ERBIN: variants seen among roughly 807,000 people sequenced by gnomAD.
ERBIN encodes erbb2 interacting protein.
A neutral mutation model predicts 158.4 loss-of-function variants in ERBIN; 60 were observed. The ratio of observed to expected loss-of-function variants is 0.38; its 90% confidence interval spans 0.31 to 0.47. The LOEUF is 0.47. Ranked by LOEUF, ERBIN falls within the 20% of genes least tolerant of loss-of-function variation. The pLI, the probability that ERBIN is intolerant of heterozygous loss-of-function variation, is 0.99. For missense variants in ERBIN, 1,610 were observed against 1,648.0 expected (o/e 0.98, Z 0.40); for synonymous variants, 594 against 557.2 (o/e 1.07, Z -0.93).
intron 4 of ERBIN, among the ~76,000 whole-genome samples, chr5:66,010,156 C>T (rs1754054957): frequency 6.6e-6 from 1 of 152,158 alleles, no homozygotes. Context: ...CCTCTCATTA[C>T]TTCCTTAGTC....
At chr5:65,956,613 C>T (rs1305369693) in intron 1 of ERBIN, among the ~76,000 whole-genome samples, 2 of 151,140 alleles carry the variant, frequency 1.3e-5, no homozygotes, top group African/African-American at 2.4e-5. Flanking sequence ...CTCCTAGGCT[C>T]AAGCAGTCCA....
At chr5:66,055,058 G>C in intron 21 of ERBIN, 107 bp downstream of exon 21, 1 of 1,427,336 alleles carries the variant, frequency 7.0e-7, no homozygotes, top group Non-Finnish European at 9.1e-7. Context: ...TTATATTCTA[G>C]GTGTTTTTCT....
At chr5:65,960,310 A>G (rs1747766140) in intron 1 of ERBIN, among the ~76,000 whole-genome samples, 1 of 152,192 alleles carries the variant, frequency 6.6e-6, no homozygotes, top group South Asian at 2.1e-4. Context: ...CATTAGAAAT[A>G]TGAGGAGTGA....
intron 5 of ERBIN, 98 bp downstream of exon 5, chr5:66,012,225 A>G (rs1397988050): frequency 6.5e-6 from 5 of 766,492 alleles, no homozygotes; most frequent in Non-Finnish European, 1.0e-5. Context: ...TTTTATATCA[A>G]TCTTAAGTCT....
rs562600074 is a variant in ERBIN, at chr5:65,994,277, A to G, written c.190-470A>G. On this transcript the variant is annotated intron_variant, in intron 3 of 25. Transcript: ENST00000284037. ...TTTGTCTCCTTCTCTAATCACCACC[A>G]GTAGAGTCTTGGTTTAGGGGTTTTG... is the stretch of plus-strand genomic sequence containing the variant. Among the ~76,000 whole-genome samples the G allele has an allele frequency of 1.7e-4, 26 of 152,314 alleles. 2 individuals are homozygous for G. The highest frequency in any genetic ancestry group is 1.7e-3 in the South Asian group (8 of 4,828).
At position 65,994,853 on chromosome 5, in the gene ERBIN, T is replaced by G; in HGVS notation, c.296T>G (p.Val99Gly). 1.3e-6 allele frequency: 2 copies of G among 1,597,118 alleles called. No individual in the cohort carries two copies. Among genetic ancestry groups the G allele is most frequent in the Non-Finnish European group, 1.7e-6 (2 of 1,172,960 alleles). ...CTTATTAATCTCAGGGAACTGGATG[T>G]CAGCAAGAATGGTAAGGCTTTTTTT... ...ANLINLRELD[V>G]SKNGIQEFPE... The change falls in exon 4 of 26, where the codon GTC (valine) becomes GGC (glycine). Residue 99 changes from valine (V) to glycine (G), a missense_variant. Coordinates refer to ENST00000284037, the MANE Select transcript of ERBIN (RefSeq NM_001253697.2).
At chr5:65,974,627 A>T (rs1447971098) in intron 1 of ERBIN, among the ~76,000 whole-genome samples, 3 of 152,224 alleles carry the variant, frequency 2.0e-5, no homozygotes, top group Non-Finnish European at 4.4e-5. Flanking sequence ...TTCTCTAGAC[A>T]GACTGCTTTT....
intron 1 of ERBIN, among the ~76,000 whole-genome samples, chr5:65,965,451 G>GC (rs1280836886): frequency 7.0e-6 from 1 of 142,730 alleles, no homozygotes; most frequent in Non-Finnish European, 1.5e-5. Flanking sequence ...TGTTGCCCGA[G>GC]CTGGAGTACA....
intron 21 of ERBIN, among the ~76,000 whole-genome samples, chr5:66,067,721 C>T (rs1289814136): frequency 1.3e-5 from 2 of 151,780 alleles, no homozygotes; most frequent in South Asian, 2.1e-4. Context: ...CACATTTTCT[C>T]GTTTTCTTCT....
chr5:65,951,748 G>A (rs1401851157), intron 1 of ERBIN, among the ~76,000 whole-genome samples: 1 of 152,182 alleles, frequency 6.6e-6, no homozygotes, highest in Non-Finnish European at 1.5e-5. Context: ...TGTGGTTACA[G>A]TTATAACAGC....
rs201081149 is a variant in ERBIN, at chr5:65,978,946, AT to A, written c.-57-9686del. On this transcript the variant is annotated intron_variant, in intron 1 of 25. Transcript: ENST00000284037. ...GCAACCCAAGCTTCTACTACCTCAG[AT>A]TTGACAAGATCGAAAAGGTGACTGT... 3.6e-3 allele frequency among the ~76,000 whole-genome samples: 553 copies of A among 152,306 alleles called. 1 individual carries two copies. Among genetic ancestry groups the A allele is most frequent in the Middle Eastern group, 0.017 (5 of 294 alleles).
At position 65,950,790 on chromosome 5, in the gene ERBIN, A is replaced by T. The variant is rs77549614; in HGVS notation, c.-58+23984A>T. Among the ~76,000 whole-genome samples the T allele has an allele frequency of 6.9e-5, 10 of 144,838 alleles. No individual in the cohort carries two copies. The South Asian group carries it at 2.0e-3, about 29-fold the overall frequency. On this transcript the variant is annotated intron_variant, in intron 1 of 25. Transcript: ENST00000284037. ...ACTAGTAATTTTAGCATTCATATGT[A>T]TTTTTTTTTTTTCCTGTAGGATCAG...
chr5:65,940,414 G>GT (rs1460789732), intron 1 of ERBIN, among the ~76,000 whole-genome samples: 1 of 145,352 alleles, frequency 6.9e-6, no homozygotes, highest in Non-Finnish European at 1.5e-5. Context: ...CGGGAGGGAG[G>GT]TGGGGGGGTC....
At chr5:66,021,870 G>T (rs918045510) in intron 8 of ERBIN, among the ~76,000 whole-genome samples, 12 of 152,030 alleles carry the variant, frequency 7.9e-5, no homozygotes, top group South Asian at 2.1e-4. Flanking sequence ...TGCTTTGTAT[G>T]CCAAGTGCGC....
intron 21 of ERBIN, chr5:66,068,928 C>T (rs1447922395): frequency 1.3e-6 from 2 of 1,535,710 alleles, no homozygotes; most frequent in African/African-American, 1.4e-5. Context: ...AAGCAGTTTT[C>T]ACTGTGGCAG....
chr5:66,012,969 C>T lies in ERBIN; in HGVS notation c.387-580C>T, dbSNP rs187564787. Among the ~76,000 whole-genome samples, 327 of 152,282 alleles carry T rather than the reference C, an allele frequency of 2.1e-3. 2 individuals carry two copies. Among genetic ancestry groups the T allele is most frequent in the African/African-American group, 7.7e-3 (321 of 41,556 alleles). On this transcript the variant is annotated intron_variant, in intron 5 of 25. Coordinates refer to ENST00000284037, the MANE Select transcript of ERBIN (RefSeq NM_001253697.2). ...TTGAAAGTAATCTAAACCAGTGGTT[C>T]TCAACTGGGGGCTCTCATGCCCCAG...
chr5:66,008,358 G>A (rs1249967878), intron 4 of ERBIN, among the ~76,000 whole-genome samples: 2 of 152,194 alleles, frequency 1.3e-5, no homozygotes, highest in Non-Finnish European at 2.9e-5. Context: ...GGCGGAGCTT[G>A]CAGTGAGCTG....
At chr5:65,954,013 A>G (rs981226485) in intron 1 of ERBIN, among the ~76,000 whole-genome samples, 29 of 151,970 alleles carry the variant, frequency 1.9e-4, no homozygotes, top group Middle Eastern at 3.4e-3. Context: ...ACTCCCCTAC[A>G]CTCTCTACTC....
chr5:66,040,636 G>C (rs1018354558), intron 15 of ERBIN, among the ~76,000 whole-genome samples: 2 of 151,730 alleles, frequency 1.3e-5, no homozygotes, highest in Admixed American at 6.6e-5. Flanking sequence ...TATAAGAAAG[G>C]CTTTTGTCTT....
Sources: gnomAD v4.1 joint callset for allele counts (sites outside exome capture counted in the v4.1 genomes callset) on GRCh38, gnomAD v4.1.1 for gene constraint, MANE v1.5 for transcripts, NCBI Gene and HGNC (gene_info 2026-07-23, HGNC 2026-07-21) for gene names.